TRPM6: variants seen among roughly 807,000 people sequenced by gnomAD.
TRPM6 encodes channel kinase 2.
A neutral mutation model predicts 247.6 loss-of-function variants in TRPM6; 111 were observed. The ratio of observed to expected loss-of-function variants is 0.45; its 90% CI spans 0.38 to 0.52. The LOEUF is 0.52. Ranked by LOEUF, TRPM6 falls within the 20% of genes least tolerant of loss-of-function variation. The pLI, the probability that TRPM6 is intolerant of heterozygous loss-of-function variation, is 0.00. For synonymous variants in TRPM6, 892 were observed against 853.8 expected (o/e 1.04, Z -0.78); for missense variants, 2,126 against 2,421.5 (o/e 0.88, Z 2.56).
chr9:74,881,748 G>A (rs753812781), intron 1 of TRPM6, among the ~76,000 whole-genome samples: 3 of 151,992 alleles, frequency 2.0e-5, no homozygotes, highest in Non-Finnish European at 4.4e-5. Context: ...CAGACCACAA[G>A]ATAAAGTAAA....
chr9:74,804,209 C>A (rs1043361525), intron 14 of TRPM6, among the ~76,000 whole-genome samples: 5 of 152,120 alleles, frequency 3.3e-5, no homozygotes, highest in Non-Finnish European at 7.3e-5. Flanking sequence ...GATGTTCTCT[C>A]CCTGGAACGA....
At chr9:74,755,290 A>G in intron 28 of TRPM6, 63 bp downstream of exon 28, 1 of 1,585,344 alleles carries the variant, frequency 6.3e-7, no homozygotes, top group East Asian at 2.2e-5. Context: ...AATGGTCTAA[A>G]GACCGTACCC....
chr9:74,797,427 C>T (rs1184652064), intron 17 of TRPM6, among the ~76,000 whole-genome samples: 1 of 152,146 alleles, frequency 6.6e-6, no homozygotes, highest in African/African-American at 2.4e-5. Flanking sequence ...CTATGCACAT[C>T]CTACCCTATA....
intron 28 of TRPM6, among the ~76,000 whole-genome samples, chr9:74,753,239 C>CAT (rs1431756438): frequency 6.6e-6 from 1 of 151,642 alleles, no homozygotes; most frequent in African/African-American, 2.4e-5. Context: ...AGAGTTACTA[C>CAT]ATATAGTAGA....
chr9:74,812,501 T>C (rs1019107280), intron 11 of TRPM6, 68 bp from the exon 12 acceptor site: 9 of 1,451,066 alleles, frequency 6.2e-6, no homozygotes, highest in Middle Eastern at 3.7e-4. Flanking sequence ...GAATTACATG[T>C]TTTTGAACTC....
chr9:74,860,886 T>C (rs771226386), intron 1 of TRPM6, among the ~76,000 whole-genome samples: 7 of 152,050 alleles, frequency 4.6e-5, no homozygotes, highest in African/African-American at 1.7e-4. Context: ...CCGTGCATGG[T>C]GGCATGTGCC....
At chr9:74,839,703 T>C (rs375173187) in intron 5 of TRPM6, among the ~76,000 whole-genome samples, 2 of 151,926 alleles carry the variant, frequency 1.3e-5, no homozygotes, top group African/African-American at 4.8e-5. Context: ...CCAGGAAAAA[T>C]CTATGATTCT....
intron 3 of TRPM6, among the ~76,000 whole-genome samples, chr9:74,849,280 G>A (rs1830209446): frequency 6.6e-6 from 1 of 151,244 alleles, no homozygotes; most frequent in Non-Finnish European, 1.5e-5. Flanking sequence ...GAACCCAGGA[G>A]GCGGAGGTTG....
intron 23 of TRPM6, among the ~76,000 whole-genome samples, chr9:74,779,296 A>C (rs889884553): frequency 6.6e-6 from 1 of 152,110 alleles, no homozygotes; most frequent in African/African-American, 2.4e-5. Context: ...TGCCCCCACA[A>C]AAAACTCAGA....
At chr9:74,866,233 A>AATC (rs1830840566) in intron 1 of TRPM6, among the ~76,000 whole-genome samples, 1 of 152,176 alleles carries the variant, frequency 6.6e-6, no homozygotes, top group Non-Finnish European at 1.5e-5. Context: ...GACAATGGAG[A>AATC]TTATTTGTCT....
In TRPM6 at chr9:74,808,924, T is replaced by C. The variant is rs546533667; in HGVS notation, c.1498-750A>G. On this transcript the variant is annotated intron_variant, in intron 13 of 38. Coordinates refer to ENST00000360774, the MANE Select transcript of TRPM6 (RefSeq NM_017662.5). Reference sequence around the variant, plus strand: ...CAGGGCATATTTGGGGGTCTTTGTGTCTATAATCCACTTTGCCTATGGTCC... The same window carrying C: ...CAGGGCATATTTGGGGGTCTTTGTGCCTATAATCCACTTTGCCTATGGTCC... Among the ~76,000 whole-genome samples, 63 of 152,338 alleles carry C rather than the reference T, an allele frequency of 4.1e-4. No individual in the cohort carries two copies. The South Asian group carries it at 7.0e-3, about 17-fold the overall frequency.
intron 11 of TRPM6, among the ~76,000 whole-genome samples, chr9:74,814,128 T>C (rs530565917): frequency 6.6e-6 from 1 of 152,100 alleles, no homozygotes; most frequent in South Asian, 2.1e-4. Context: ...TTCTGGATGC[T>C]AATGAAAAAC....
intron 7 of TRPM6, among the ~76,000 whole-genome samples, chr9:74,825,192 G>A (rs1007775711): frequency 2.0e-5 from 3 of 152,144 alleles, no homozygotes; most frequent in African/African-American, 4.8e-5. Context: ...AACCAGGGAG[G>A]CAGAGGTTGC....
At chr9:74,866,825 G>A (rs530059146) in intron 1 of TRPM6, among the ~76,000 whole-genome samples, 1 of 152,190 alleles carries the variant, frequency 6.6e-6, no homozygotes, top group African/African-American at 2.4e-5. Flanking sequence ...GAAACTTCTT[G>A]AGCTTAGGAT....
Position 74,800,162 on chromosome 9 carries a change from G to A in TRPM6, c.2238+92C>T, listed in dbSNP as rs79126752. 1.2e-4 allele frequency: 144 copies of A among 1,227,286 alleles called. 2 individuals are homozygous for A. In the East Asian group the frequency reaches 3.3e-3, roughly 28 times the overall value. The allele number at this position is 1,227,286 out of a possible 1,614,324, so 76.0% of individuals were successfully genotyped here. On this transcript the variant is annotated intron_variant, in intron 17 of 38. Coordinates refer to ENST00000360774, the MANE Select transcript of TRPM6 (RefSeq NM_017662.5). ...CTCAAATATATTAACTGGTTTTCCT[G>A]AAGACACAATTCTGGAACAAAATGT...
At chr9:74,811,082 G>A (rs1379332161) in intron 12 of TRPM6, among the ~76,000 whole-genome samples, 1 of 152,128 alleles carries the variant, frequency 6.6e-6, no homozygotes, top group Non-Finnish European at 1.5e-5. Context: ...ATGCAAATAT[G>A]TAGATAATAA....
intron 25 of TRPM6, among the ~76,000 whole-genome samples, chr9:74,770,892 T>C (rs1827009145): frequency 6.6e-6 from 1 of 152,158 alleles, no homozygotes; most frequent in Non-Finnish European, 1.5e-5. Context: ...CAAGCTTCCC[T>C]GCACCGTAAT....
chr9:74,862,762 A>T (rs1830728386), intron 1 of TRPM6, among the ~76,000 whole-genome samples: 1 of 152,134 alleles, frequency 6.6e-6, no homozygotes, highest in Non-Finnish European at 1.5e-5. Flanking sequence ...CGAGCAAGTC[A>T]CTTGAGGTCA....
In TRPM6 at chr9:74,763,087, G is replaced by T; in HGVS notation, c.3584C>A (p.Ser1195Tyr). 2 of 1,613,858 alleles carry T rather than the reference G, an allele frequency of 1.2e-6. No individual in the cohort carries two copies. The highest frequency in any genetic ancestry group is 2.2e-5 in the East Asian group (1 of 44,878). Residue 1195 changes from serine to tyrosine, a missense_variant, in exon 26 of 39, where the codon TCT becomes TAT. By Grantham distance (144) the Ser-to-Tyr change is moderately radical. Coordinates refer to ENST00000360774, the MANE Select transcript of TRPM6 (RefSeq NM_017662.5). Reference protein sequence around the residue: ...FQLKEMNEKVSFIKDSLLSLD... With the variant: ...FQLKEMNEKVYFIKDSLLSLD... Reference sequence around the variant, plus strand: ...AGACAGTAAGGAGTCCTTTATAAAAGACACCTTTTCATTCATTTCTTTCAG... The same window carrying T: ...AGACAGTAAGGAGTCCTTTATAAAATACACCTTTTCATTCATTTCTTTCAG...
Sources: allele counts gnomAD v4.1 joint callset (sites outside exome capture counted in the v4.1 genomes callset), GRCh38; gene constraint gnomAD v4.1.1; transcripts MANE v1.5; gene names NCBI Gene and HGNC (gene_info 2026-07-23, HGNC 2026-07-21).